The following CTNNA3 variants were observed in gnomAD, a reference collection of about 807,000 sequenced individuals.
The protein encoded by CTNNA3 is catenin alpha-3.
A neutral mutation model predicts 95.7 loss-of-function variants in CTNNA3; 76 were observed. The observed-to-expected ratio is 0.79, with a 90% CI of 0.66 to 0.96. The LOEUF (loss-of-function observed/expected upper bound fraction) is 0.96, where lower values mean the gene tolerates loss of function less well. Among genes scored for constraint, CTNNA3 ranks in the 40% least tolerant of loss-of-function variants. The pLI, the probability that CTNNA3 is intolerant of heterozygous loss-of-function variation, is 0.00. For synonymous variants in CTNNA3, 431 were observed against 374.4 expected, an observed-to-expected ratio of 1.15 and a Z score of -1.74; for missense variants, 1,191 against 1,089.8, an observed-to-expected ratio of 1.09 and a Z score of -1.31.
rs565047112 is a variant in CTNNA3, at chr10:67,762,284, A to G, written c.-2+1150T>C. ...GTTAAATATAGGTATTTCCCTGGAA[A>G]TGTTGCAAAGACATTTTAATCACAA... On this transcript the variant is annotated intron_variant, in intron 1 of 17. Transcript: ENST00000684154. 7.9e-5 allele frequency among the ~76,000 whole-genome samples: 12 copies of G among 152,056 alleles called. No homozygotes were observed. The South Asian group carries it at 2.5e-3, about 32-fold the overall frequency.
intron 7 of CTNNA3, among the ~76,000 whole-genome samples, chr10:66,818,882 G>T (rs956415630): frequency 6.6e-6 from 1 of 152,066 alleles, no homozygotes; most frequent in Non-Finnish European, 1.5e-5. Flanking sequence ...TTGAGGCCAG[G>T]AGTTTGAGAC....
intron 4 of CTNNA3, among the ~76,000 whole-genome samples, chr10:67,525,424 G>C (rs1589389390): frequency 6.6e-6 from 1 of 152,106 alleles, no homozygotes; most frequent in Non-Finnish European, 1.5e-5. Flanking sequence ...CATTAAAATA[G>C]CTGACAAATT....
chr10:66,424,576 T>C (rs553196263), intron 11 of CTNNA3, among the ~76,000 whole-genome samples: 2 of 152,214 alleles, frequency 1.3e-5, no homozygotes, highest in South Asian at 4.1e-4. Flanking sequence ...AATAAATTTG[T>C]TTTCACACAT....
intron 9 of CTNNA3, among the ~76,000 whole-genome samples, chr10:66,696,351 C>T (rs775904312): frequency 3.9e-5 from 6 of 152,090 alleles, no homozygotes; most frequent in Non-Finnish European, 8.8e-5. Flanking sequence ...TGAGGAGATA[C>T]AAAACTGAAA....
intron 5 of CTNNA3, among the ~76,000 whole-genome samples, chr10:67,381,438 C>A (rs1051467105): frequency 1.6e-4 from 24 of 152,232 alleles, no homozygotes; most frequent in African/African-American, 5.1e-4. Flanking sequence ...CTCTGCTCCA[C>A]AGCCTTCTGA....
chr10:65,966,529 A>C, intron 17 of CTNNA3, 83 bp downstream of exon 17: 1 of 1,168,944 alleles, frequency 8.6e-7, no homozygotes, highest in Admixed American at 2.7e-5. Context: ...TACCTAAAAG[A>C]TTTGGTCATG....
chr10:66,905,663 T>C (rs1473119509), intron 7 of CTNNA3, among the ~76,000 whole-genome samples: 1 of 152,032 alleles, frequency 6.6e-6, no homozygotes, highest in Non-Finnish European at 1.5e-5. Context: ...TATATACACA[T>C]AATGGTGGAG....
At chr10:67,150,812 A>G (rs1861050969) in intron 7 of CTNNA3, among the ~76,000 whole-genome samples, 1 of 152,166 alleles carries the variant, frequency 6.6e-6, no homozygotes, top group African/African-American at 2.4e-5. Flanking sequence ...ACAACACATC[A>G]TGTTTAACAG....
At position 66,360,646 on chromosome 10, in the gene CTNNA3, TCTTTCTTTCTTTCTTCCTTCCTTC is replaced by T. The variant is rs1230920331; in HGVS notation, c.1732+18482_1732+18505del. Among the ~76,000 whole-genome samples, 368 of 66,814 alleles carry T rather than the reference TCTTTCTTTCTTTCTTCCTTCCTTC, an allele frequency of 5.5e-3. 1 individual carries two copies. Among genetic ancestry groups the T allele is most frequent in the African/African-American group, 0.017 (297 of 17,374 alleles). 43.8% of individuals were successfully genotyped at this position (66,814 alleles called of 152,430 possible). The stretch of plus-strand genomic sequence containing the variant: ...TTCTTTCTTTCTTTCTTTCTTTCTT[TCTTTCTTTCTTTCTTCCTTCCTTC>T]CTTCCTTCCTTCCTTCCTTCCTTTT... On this transcript the variant is annotated intron_variant, in intron 12 of 17. Transcript: ENST00000433211.
At chr10:66,264,287 C>T (rs1375031433) in intron 13 of CTNNA3, among the ~76,000 whole-genome samples, 1 of 151,816 alleles carries the variant, frequency 6.6e-6, no homozygotes, top group Non-Finnish European at 1.5e-5. Context: ...ACAAGAAACC[C>T]CAAAGCCACA....
At chr10:66,451,539 A>G (rs927440291) in intron 11 of CTNNA3, among the ~76,000 whole-genome samples, 1 of 152,166 alleles carries the variant, frequency 6.6e-6, no homozygotes, top group Non-Finnish European at 1.5e-5. Context: ...AGTGTAAAAC[A>G]TAAGGGTAAT....
At chr10:66,404,584 G>A (rs986954655) in intron 11 of CTNNA3, among the ~76,000 whole-genome samples, 2 of 152,258 alleles carry the variant, frequency 1.3e-5, no homozygotes, top group Non-Finnish European at 2.9e-5. Context: ...TAAATAATAA[G>A]TATAAAAGTA....
In CTNNA3 at chr10:67,742,146, A is replaced by T. The variant is rs540642693; in HGVS notation, c.-2+21288T>A. Among the ~76,000 whole-genome samples the T allele has an allele frequency of 4.8e-4, 72 of 151,246 alleles. 3 individuals carry two copies. The highest frequency in any genetic ancestry group is 8.7e-4 in the Non-Finnish European group (59 of 67,720). ...ATCCAGGAACTGAACTCAGCTCTGCACCAAGCGGACCTAATAGACACAACT... is the reference window on the plus strand; with the variant it reads ...ATCCAGGAACTGAACTCAGCTCTGCTCCAAGCGGACCTAATAGACACAACT... On this transcript the variant is annotated intron_variant, in intron 1 of 17. Coordinates refer to the CTNNA3 transcript ENST00000684154.
chr10:66,118,554 A>C (rs1393851856), intron 13 of CTNNA3, among the ~76,000 whole-genome samples: 1 of 152,090 alleles, frequency 6.6e-6, no homozygotes. Flanking sequence ...TTCCCTTCTA[A>C]CCGTCACCTT....
chr10:67,111,413 G>A (rs915675556), intron 7 of CTNNA3, among the ~76,000 whole-genome samples: 1 of 151,826 alleles, frequency 6.6e-6, no homozygotes, highest in Non-Finnish European at 1.5e-5. Context: ...ACATAAGGCC[G>A]AATCTCCTCT....
chr10:66,776,580 T>C (rs762149439), intron 7 of CTNNA3, among the ~76,000 whole-genome samples: 6 of 152,174 alleles, frequency 3.9e-5, no homozygotes, highest in South Asian at 2.1e-4. Flanking sequence ...TTTACTCTTA[T>C]GTACTGCTAT....
rs1298266845 is a variant in CTNNA3 at position 67,658,956 on chromosome 10, G to C, written c.-5-11438C>G. ...GATGTTTTTGAAAAATGATCAAATT[G>C]AGCCTCCCCCAAAAATGATGAGTTT... On this transcript the variant is annotated intron_variant, in intron 1 of 17. Coordinates refer to ENST00000433211, the MANE Select transcript of CTNNA3 (RefSeq NM_013266.4). Among the ~76,000 whole-genome samples the C allele has an allele frequency of 2.6e-5, 4 of 151,936 alleles. 1 individual carries two copies. The highest frequency in any genetic ancestry group is 3.9e-4 in the East Asian group (2 of 5,164).
At chr10:66,111,890 T>G (rs2082134866) in intron 13 of CTNNA3, among the ~76,000 whole-genome samples, 1 of 152,056 alleles carries the variant, frequency 6.6e-6, no homozygotes, top group Non-Finnish European at 1.5e-5. Flanking sequence ...CTCAGACTTT[T>G]CCTATGCTTA....
rs190180647 is a variant in CTNNA3, at chr10:66,873,363, G to C, written c.1048-97839C>G. 8.7e-5 allele frequency among the ~76,000 whole-genome samples: 12 copies of C among 138,550 alleles called. No homozygotes were observed. The East Asian group carries it at 1.2e-3, about 14-fold the overall frequency. 90.9% of individuals were successfully genotyped at this position (138,550 alleles called of 152,430 possible). A position where few individuals can be genotyped will look rare whatever the true frequency, so the allele number is the denominator to read the frequency against. ...AGCCTCAACAGCATCTGGTTTTTTT[G>C]TTTGTTTGTTTTTTGTTTTTTTTTT... On this transcript the variant is annotated intron_variant, in intron 7 of 17. Transcript: ENST00000433211.
Sources: allele counts gnomAD v4.1 joint callset (sites outside exome capture counted in the v4.1 genomes callset), GRCh38; gene constraint gnomAD v4.1.1; transcripts MANE v1.5; gene names NCBI Gene and HGNC (gene_info 2026-07-23, HGNC 2026-07-21).